Variants in MYLK observed in about 807,000 individuals in gnomAD.
The protein encoded by MYLK is myosin light chain kinase.
In MYLK, 106 loss-of-function variants were observed where a neutral mutation model predicts 203.4. The observed-to-expected ratio is 0.52, with a 90% CI of 0.45 to 0.61. The LOEUF is 0.61. Among genes scored for constraint, MYLK ranks in the 20% least tolerant of loss-of-function variants. The pLI is 0.00. For synonymous variants in MYLK, 867 were observed against 959.5 expected (o/e 0.90, Z 1.78); for missense variants, 2,072 against 2,442.3 (o/e 0.85, Z 3.20).
In MYLK at chr3:123,867,975, T is replaced by C. The variant is rs74851958; in HGVS notation, c.-127+8584A>G. On this transcript the variant is annotated intron_variant, in intron 2 of 33. Coordinates refer to ENST00000360304, the MANE Select transcript of MYLK (RefSeq NM_053025.4). ...GGTCAGCCATTCCTAGAGTTTTTAG[T>C]ACAGTTTGCTGATTAGCCGGGTCCT... Among the ~76,000 whole-genome samples the C allele has an allele frequency of 2.5e-3, 386 of 152,346 alleles. 1 individual carries two copies. Among genetic ancestry groups the C allele is most frequent in the African/African-American group, 8.8e-3 (365 of 41,586 alleles).
chr3:123,739,917 C>T (rs771584361), intron 6 of MYLK, 36 bp downstream of exon 6: 3 of 1,612,422 alleles, frequency 1.9e-6, no homozygotes, highest in Non-Finnish European at 1.7e-6. Context: ...GGAAAGCAAT[C>T]CAACCCTTAC....
At chr3:123,730,487 T>C (rs1177476565) in intron 11 of MYLK, among the ~76,000 whole-genome samples, 2 of 152,146 alleles carry the variant, frequency 1.3e-5, no homozygotes, top group Non-Finnish European at 2.9e-5. Context: ...AGCTAAAAAG[T>C]AGAAACAACC....
chr3:123,655,014 G>A (rs937408511), intron 24 of MYLK, among the ~76,000 whole-genome samples: 3 of 151,986 alleles, frequency 2.0e-5, no homozygotes, highest in Admixed American at 6.5e-5. Flanking sequence ...CACCACGCCC[G>A]GCCTCTTATC....
intron 4 of MYLK, among the ~76,000 whole-genome samples, chr3:123,772,594 G>C (rs1339980164): frequency 6.6e-6 from 1 of 151,736 alleles, no homozygotes; most frequent in East Asian, 1.9e-4. Context: ...AGTAAACTTA[G>C]GATAAAAATT....
At chr3:123,819,998 C>G (rs1478043146) in intron 3 of MYLK, among the ~76,000 whole-genome samples, 2 of 152,126 alleles carry the variant, frequency 1.3e-5, no homozygotes, top group African/African-American at 4.8e-5. Flanking sequence ...CGGAGAGCTT[C>G]TAACTTCATT....
intron 3 of MYLK, among the ~76,000 whole-genome samples, chr3:123,794,360 A>G (rs530952905): frequency 2.6e-5 from 4 of 152,336 alleles, no homozygotes; most frequent in African/African-American, 9.6e-5. Context: ...TAATATGGCA[A>G]GGACCCTGGG....
At chr3:123,741,519 G>A (rs1576809816) in intron 5 of MYLK, among the ~76,000 whole-genome samples, 1 of 152,208 alleles carries the variant, frequency 6.6e-6, no homozygotes, top group Admixed American at 6.5e-5. Flanking sequence ...TGACAGTCAA[G>A]ATGCTGGGCC....
intron 2 of MYLK, among the ~76,000 whole-genome samples, chr3:123,870,716 C>A (rs1225320395): frequency 1.3e-5 from 2 of 152,238 alleles, no homozygotes; most frequent in Non-Finnish European, 2.9e-5. Context: ...ACCAGGTTTA[C>A]TGAAACACAT....
chr3:123,746,200 T>C (rs1051954353), intron 5 of MYLK, among the ~76,000 whole-genome samples: 3 of 152,054 alleles, frequency 2.0e-5, no homozygotes, highest in Admixed American at 1.3e-4. Flanking sequence ...TAAAGAATTG[T>C]GAAGCCAGGC....
Position 123,734,034 on chromosome 3 carries a change from T to C in MYLK, c.962A>G (p.Lys321Arg). ...NSQPQPPRES[K>R]LESCKDSPRT... The stretch of plus-strand genomic sequence containing the variant: ...GGGCGAGTCCTTGCATGACTCCAGC[T>C]TGGACTCCCTTGGGGGCTGAGGCTG... Residue 321 changes from lysine (K) to arginine (R), a missense_variant, in exon 10 of 34, where the codon AAG becomes AGG. Lys to Arg is a conservative substitution (Grantham distance 26). This residue lies in a region of MYLK where 683 missense variants were observed against 643.8 expected (regional missense o/e 1.06). Coordinates refer to ENST00000360304, the MANE Select transcript of MYLK (RefSeq NM_053025.4). 1 of 1,614,158 alleles carries C rather than the reference T, an allele frequency of 6.2e-7. No homozygotes were observed.
At chr3:123,754,063 C>T (rs1009885276) in intron 4 of MYLK, among the ~76,000 whole-genome samples, 2 of 152,216 alleles carry the variant, frequency 1.3e-5, no homozygotes, top group Non-Finnish European at 2.9e-5. Flanking sequence ...AGTCTCTTCC[C>T]TAAGCATACT....
intron 27 of MYLK, among the ~76,000 whole-genome samples, chr3:123,645,540 C>A (rs1455938366): frequency 1.3e-5 from 2 of 152,186 alleles, no homozygotes; most frequent in Non-Finnish European, 2.9e-5. Context: ...ATGAGCATTT[C>A]AAGGATGTTG....
intron 4 of MYLK, among the ~76,000 whole-genome samples, chr3:123,765,027 C>T (rs2108950733): frequency 6.6e-6 from 1 of 152,146 alleles, no homozygotes; most frequent in Admixed American, 6.5e-5. Flanking sequence ...TTTAAAAACT[C>T]ATTTTAAGGA....
intron 3 of MYLK, among the ~76,000 whole-genome samples, chr3:123,817,324 T>A (rs576785062): frequency 1.3e-5 from 2 of 151,956 alleles, no homozygotes; most frequent in Non-Finnish European, 2.9e-5. Flanking sequence ...TTCTGGGGAG[T>A]CTTTAGCCCC....
At chr3:123,661,727 C>T (rs1482443784) in intron 23 of MYLK, among the ~76,000 whole-genome samples, 1 of 152,088 alleles carries the variant, frequency 6.6e-6, no homozygotes, top group Non-Finnish European at 1.5e-5. Context: ...GGGAGAGGAA[C>T]AGAGCAAGAG....
intron 28 of MYLK, chr3:123,639,030 T>C: frequency 2.0e-6 from 2 of 985,468 alleles, no homozygotes; most frequent in Non-Finnish European, 2.4e-6. Flanking sequence ...TAGCCACTTC[T>C]CAGTTATCTG....
intron 3 of MYLK, among the ~76,000 whole-genome samples, chr3:123,799,125 G>A (rs533144602): frequency 5.3e-4 from 81 of 152,182 alleles, no homozygotes; most frequent in Non-Finnish European, 8.8e-4. Flanking sequence ...GAAAAAACAG[G>A]GGAGAGGGTC....
chr3:123,685,629 AAAGAAAAT>A (rs2045242324), intron 19 of MYLK, among the ~76,000 whole-genome samples: 1 of 151,170 alleles, frequency 6.6e-6, no homozygotes, highest in African/African-American at 2.4e-5. Context: ...AAAAAAAAAA[AAAGAAAAT>A]GAAAATGATC....
At chr3:123,739,799 G>A (rs532081697) in intron 6 of MYLK, among the ~76,000 whole-genome samples, 154 bp downstream of exon 6, 3 of 152,216 alleles carry the variant, frequency 2.0e-5, no homozygotes, top group Non-Finnish European at 2.9e-5. Context: ...CAGGTCAGGA[G>A]GTGCTGTGTA....
Sources: gnomAD v4.1 joint callset for allele counts (sites outside exome capture counted in the v4.1 genomes callset) on GRCh38, gnomAD v4.1.1 for gene constraint, gnomAD v4.1.1 regional missense constraint, MANE v1.5 for transcripts, NCBI Gene and HGNC (gene_info 2026-07-23, HGNC 2026-07-21) for gene names.